The following PAPPA variants were observed in gnomAD, a reference collection of about 807,000 sequenced individuals.
PAPPA encodes the protein pappalysin 1.
A neutral mutation model predicts 164.0 loss-of-function variants in PAPPA; 60 were observed. The ratio of observed to expected loss-of-function variants is 0.37; its 90% CI spans 0.30 to 0.45. The LOEUF (loss-of-function observed/expected upper bound fraction) is 0.45, where lower values mean the gene tolerates loss of function less well. PAPPA is among the 20% of genes least tolerant of loss of function. The pLI is 1.00. For missense variants in PAPPA, 1,782 were observed against 2,087.3 expected, an observed-to-expected ratio of 0.85 and a Z score of 2.85; for synonymous variants, 875 against 814.1, an observed-to-expected ratio of 1.07 and a Z score of -1.27.
chr9:116,383,972 A>G (rs1327000118), intron 21 of PAPPA, among the ~76,000 whole-genome samples: 2 of 152,194 alleles, frequency 1.3e-5, no homozygotes, highest in Non-Finnish European at 2.9e-5. Flanking sequence ...CTTAAAAACC[A>G]AAGAAAACCA....
chr9:116,156,346 A>ATATG (rs776123892), intron 1 of PAPPA, among the ~76,000 whole-genome samples: 5 of 82,502 alleles, frequency 6.1e-5, no homozygotes, highest in African/African-American at 1.9e-4. Context: ...ATATATATAT[A>ATATG]TGTATATATA....
At chr9:116,268,128 C>G (rs10513269) in intron 8 of PAPPA, among the ~76,000 whole-genome samples, 34,682 of 152,056 alleles carry the variant, frequency 0.23, 4,395 homozygotes, top group African/African-American at 0.32. Context: ...GGGTTTATAA[C>G]TGTTGCATTA....
chr9:116,385,358 C>A (rs1380563546), intron 21 of PAPPA, among the ~76,000 whole-genome samples: 2 of 152,082 alleles, frequency 1.3e-5, no homozygotes, highest in Non-Finnish European at 2.9e-5. Flanking sequence ...GAGAGAGAAT[C>A]CATTTGGAAA....
chr9:116,372,751 A>G (rs960009888), intron 19 of PAPPA, among the ~76,000 whole-genome samples: 1 of 152,184 alleles, frequency 6.6e-6, no homozygotes, highest in African/African-American at 2.4e-5. Flanking sequence ...GGAATGACTT[A>G]AGGAAAGAAG....
At chr9:116,345,434 G>A (rs1173241206) in intron 14 of PAPPA, among the ~76,000 whole-genome samples, 5 of 51,858 alleles carry the variant, frequency 9.6e-5, no homozygotes, top group African/African-American at 2.6e-4. Flanking sequence ...GCACATTGAT[G>A]AGAAAAAAAA....
chr9:116,187,289 C>T lies in PAPPA; in HGVS notation c.551C>T (p.Thr184Ile), dbSNP rs949752221. Residue 184 changes from threonine (T) to isoleucine (I), a missense_variant, in exon 2 of 22, where the codon ACC (threonine) becomes ATC (isoleucine). Around this residue, in one of 2 missense-constraint regions of PAPPA, gnomAD observed 458 missense variants for 430.3 expected, o/e 1.06. Coordinates refer to ENST00000328252, the MANE Select transcript of PAPPA (RefSeq NM_002581.5). This position sits in a 1 kb window ranked among gnomAD's most constrained non-coding sequence, Gnocchi z 4.2. ...LKTDRARQVT[T>I]INAHRSYLPG... is the part of the protein sequence containing the mutation. The stretch of plus-strand genomic sequence containing the variant: ...ACAGACCGAGCCCGGCAAGTGACCA[C>T]CATCAATGCCCACCGCAGCTACCTC... The T allele has an allele frequency of 6.2e-7, 1 of 1,614,140 alleles. No homozygotes were observed. The highest frequency in any genetic ancestry group is 1.1e-5 in the South Asian group (1 of 91,074).
At chr9:116,209,843 C>T (rs1313894844) in intron 3 of PAPPA, among the ~76,000 whole-genome samples, 1 of 152,120 alleles carries the variant, frequency 6.6e-6, no homozygotes, top group African/African-American at 2.4e-5. Context: ...ACCAGAGATG[C>T]AAAGTCCATT....
intron 13 of PAPPA, among the ~76,000 whole-genome samples, chr9:116,344,098 C>T (rs1460656474): frequency 1.3e-5 from 2 of 152,078 alleles, no homozygotes; most frequent in Non-Finnish European, 2.9e-5. Context: ...TAGTATATGC[C>T]AGGAGTTCTG....
At chr9:116,184,730 A>G (rs879356674) in intron 1 of PAPPA, among the ~76,000 whole-genome samples, 15 of 152,230 alleles carry the variant, frequency 9.9e-5, no homozygotes, top group East Asian at 5.8e-4. Context: ...TGATCTTTCT[A>G]CTTTACCAAG....
intron 10 of PAPPA, among the ~76,000 whole-genome samples, chr9:116,305,488 CACAT>C (rs1246423454): frequency 6.6e-6 from 1 of 151,828 alleles, no homozygotes. Flanking sequence ...CACACACACA[CACAT>C]ACATACACAA....
chr9:116,250,281 G>A (rs1038147113), intron 7 of PAPPA, among the ~76,000 whole-genome samples: 1 of 152,132 alleles, frequency 6.6e-6, no homozygotes, highest in Non-Finnish European at 1.5e-5. Flanking sequence ...GCAAAGCAAT[G>A]CCAGCTCCCC....
At chr9:116,322,516 TGGA>T (rs1845871056) in intron 10 of PAPPA, among the ~76,000 whole-genome samples, 1 of 151,778 alleles carries the variant, frequency 6.6e-6, no homozygotes, top group Admixed American at 6.6e-5. Context: ...GCCTGGTTTA[TGGA>T]GGAGGTTTTA....
chr9:116,190,835 G>A (rs1844033415), intron 2 of PAPPA, among the ~76,000 whole-genome samples: 1 of 152,304 alleles, frequency 6.6e-6, no homozygotes, highest in Non-Finnish European at 1.5e-5. Flanking sequence ...GCTGTGACCA[G>A]GGCTTGTTTG....
At chr9:116,301,406 A>G (rs1845577742) in intron 9 of PAPPA, among the ~76,000 whole-genome samples, 1 of 152,238 alleles carries the variant, frequency 6.6e-6, no homozygotes, top group African/African-American at 2.4e-5. Context: ...TTTATAAAAT[A>G]GGCACCCACA....
At chr9:116,332,532 A>G (rs1846007394) in intron 12 of PAPPA, 64 bp downstream of exon 12, 1 of 1,447,228 alleles carries the variant, frequency 6.9e-7, no homozygotes, top group Admixed American at 1.7e-5. Flanking sequence ...CCCCATAACT[A>G]GTTGTGAGGA....
chr9:116,284,482 G>T (rs1845305932), intron 9 of PAPPA, among the ~76,000 whole-genome samples: 1 of 149,444 alleles, frequency 6.7e-6, no homozygotes, highest in Non-Finnish European at 1.5e-5. Context: ...TCCATAATAG[G>T]CACACTTCTC....
At chr9:116,170,132 A>T (rs1843759602) in intron 1 of PAPPA, among the ~76,000 whole-genome samples, 1 of 152,080 alleles carries the variant, frequency 6.6e-6, no homozygotes, top group Admixed American at 6.6e-5. Context: ...AGTTGCTTAA[A>T]GGGATATATG....
At chr9:116,182,771 C>T (rs1843922309) in intron 1 of PAPPA, among the ~76,000 whole-genome samples, 1 of 152,140 alleles carries the variant, frequency 6.6e-6, no homozygotes, top group East Asian at 1.9e-4. Context: ...TTTTCACATC[C>T]AGCCTAGCTG....
At chr9:116,381,104 G>A (rs1846724817) in intron 20 of PAPPA, among the ~76,000 whole-genome samples, 1 of 152,154 alleles carries the variant, frequency 6.6e-6, no homozygotes, top group Non-Finnish European at 1.5e-5. Context: ...GAGGAGAGGG[G>A]TAGGTTCACT....
Sources: allele counts gnomAD v4.1 joint callset (sites outside exome capture counted in the v4.1 genomes callset), GRCh38; gene constraint gnomAD v4.1.1; regional missense constraint gnomAD v4.1.1; non-coding constraint Gnocchi (gnomAD v3.1); transcripts MANE v1.5; gene names NCBI Gene and HGNC (gene_info 2026-07-23, HGNC 2026-07-21).